ZNF618: variants seen among roughly 807,000 people sequenced by gnomAD.
ZNF618 encodes the protein neural precursor cell expressed, developmentally down-regulated 10.
Under a neutral mutation model 103.0 loss-of-function variants are expected in ZNF618, and 34 were observed. That is an observed-to-expected ratio of 0.33 (90% CI 0.25 to 0.44). The LOEUF is 0.44. Ranked by LOEUF, ZNF618 falls within the 20% of genes least tolerant of loss-of-function variation. The pLI is 1.00. For missense variants in ZNF618, 1,059 were observed against 1,295.4 expected (o/e 0.82, Z 2.80); for synonymous variants, 551 against 542.2 (o/e 1.02, Z -0.23).
intron 11 of ZNF618, among the ~76,000 whole-genome samples, chr9:114,031,823 G>C (rs528134852): frequency 6.6e-6 from 1 of 151,642 alleles, no homozygotes. Flanking sequence ...CTCTGGGATC[G>C]TCCGGCATCC....
At chr9:113,963,104 A>G (rs1386695105) in intron 1 of ZNF618, among the ~76,000 whole-genome samples, 1 of 152,166 alleles carries the variant, frequency 6.6e-6, no homozygotes, top group Non-Finnish European at 1.5e-5. Context: ...TATATAAATA[A>G]AGCTTGAGTT....
intron 13 of ZNF618, among the ~76,000 whole-genome samples, chr9:114,037,473 C>A (rs1355885745): frequency 6.6e-6 from 1 of 152,174 alleles, no homozygotes; most frequent in Non-Finnish European, 1.5e-5. Context: ...GGACAGTTGG[C>A]CACTCTGCAA....
At chr9:113,970,134 A>G (rs1002603551) in intron 2 of ZNF618, among the ~76,000 whole-genome samples, 1 of 152,202 alleles carries the variant, frequency 6.6e-6, no homozygotes, top group Non-Finnish European at 1.5e-5. Context: ...GACTTTCCAG[A>G]TCTTTTAATA....
chr9:114,032,899 G>T (rs542026988), intron 12 of ZNF618, among the ~76,000 whole-genome samples, 171 bp downstream of exon 12: 3 of 152,110 alleles, frequency 2.0e-5, no homozygotes, highest in Admixed American at 6.5e-5. Flanking sequence ...GGCAGGAGGG[G>T]CCTTTTCTTC....
chr9:114,002,640 A>T lies in ZNF618; in HGVS notation c.528A>T (p.Ser176=), dbSNP rs775433665. The T allele has an allele frequency of 6.2e-6, 10 of 1,611,134 alleles. No homozygotes were observed. Among genetic ancestry groups the T allele is most frequent in the Non-Finnish European group, 8.5e-6 (10 of 1,179,684 alleles). Residue 176 remains serine, a synonymous_variant, in exon 6 of 15, where the codon TCA becomes TCT. Coordinates refer to ENST00000374126, the MANE Select transcript of ZNF618 (RefSeq NM_001318042.2). ...VRAHRDTEAT[S]GEGASQSNNF... The stretch of plus-strand genomic sequence containing the variant: ...TCTTTGCAGACACCGAAGCCACCTC[A>T]GGGGAGGGAGCCTCCCAAAGCAGTG...
At chr9:113,892,798 A>G (rs917139032) in intron 1 of ZNF618, among the ~76,000 whole-genome samples, 3 of 152,080 alleles carry the variant, frequency 2.0e-5, no homozygotes, top group East Asian at 1.9e-4. Context: ...ATCAGGCTCT[A>G]TTTTTTCCCA....
At position 114,007,390 on chromosome 9, in the gene ZNF618, C is replaced by T. The variant is rs1841845476; in HGVS notation, c.591C>T (p.Tyr197=). The T allele has an allele frequency of 1.9e-6, 3 of 1,613,692 alleles. No individual in the cohort carries two copies. Among genetic ancestry groups the T allele is most frequent in the Non-Finnish European group, 2.5e-6 (3 of 1,179,858 alleles). The stretch of plus-strand genomic sequence containing the variant: ...CATGTGATATCTGCGGGAAGAAGTA[C>T]AAATACTACAGCTGTTTCCAAGAGC... The part of the protein sequence containing the change: ...RYTCDICGKK[Y]KYYSCFQEHR... The change falls in exon 7 of 15, where the codon TAC becomes TAT. Residue 197 remains tyrosine, a synonymous_variant. Transcript: ENST00000374126.
At chr9:113,995,302 TC>T (rs1474813693) in intron 3 of ZNF618, among the ~76,000 whole-genome samples, 177 of 150,606 alleles carry the variant, frequency 1.2e-3, no homozygotes, top group African/African-American at 3.3e-3. Flanking sequence ...ATTTTTTTTT[TC>T]CAGATTGAGT....
chr9:113,887,057 A>G (rs182278811), intron 1 of ZNF618, among the ~76,000 whole-genome samples: 17 of 127,102 alleles, frequency 1.3e-4, no homozygotes, highest in Admixed American at 1.9e-4. Context: ...TTATATTTCT[A>G]TTGGACAGTG....
rs958575241 is a variant in ZNF618, at chr9:113,953,606, C to T, written c.34-15511C>T. Among the ~76,000 whole-genome samples the T allele has an allele frequency of 3.9e-5, 6 of 152,256 alleles. No homozygotes were observed. In the South Asian group the frequency reaches 1.0e-3, roughly 26 times the overall value. ...AACCTCTGCTTCTTCCTCTCTGTAA[C>T]GGAAATCATGACTCCTACCTTGTGA... On this transcript the variant is annotated intron_variant, in intron 1 of 14. Coordinates refer to ENST00000374126, the MANE Select transcript of ZNF618 (RefSeq NM_001318042.2).
At chr9:113,940,344 A>G (rs1337815892) in intron 1 of ZNF618, among the ~76,000 whole-genome samples, 2 of 152,152 alleles carry the variant, frequency 1.3e-5, no homozygotes, top group Admixed American at 6.5e-5. Flanking sequence ...TTATAAGTAC[A>G]TATAAAAATA....
At chr9:113,959,226 G>A (rs955314486) in intron 1 of ZNF618, among the ~76,000 whole-genome samples, 11 of 152,104 alleles carry the variant, frequency 7.2e-5, no homozygotes, top group Non-Finnish European at 1.5e-4. Context: ...GGTGGAGGTT[G>A]CGGTGAGCCG....
intron 1 of ZNF618, among the ~76,000 whole-genome samples, chr9:113,936,586 A>G (rs1304905252): frequency 2.0e-5 from 3 of 152,224 alleles, no homozygotes; most frequent in Non-Finnish European, 2.9e-5. Context: ...TGGGCCTGTG[A>G]CCAAAGGTCC....
chr9:113,913,531 G>T (rs2131495962), intron 1 of ZNF618, among the ~76,000 whole-genome samples: 1 of 152,378 alleles, frequency 6.6e-6, no homozygotes, highest in African/African-American at 2.4e-5. Context: ...GCAGTTGCTG[G>T]CTGACCACTA....
chr9:113,926,886 G>GC (rs1554726435), intron 1 of ZNF618, among the ~76,000 whole-genome samples: 1 of 152,172 alleles, frequency 6.6e-6, no homozygotes, highest in Non-Finnish European at 1.5e-5. Context: ...GGTGGCATGT[G>GC]CCTATAGTCT....
At chr9:113,895,327 A>T (rs1470109910) in intron 1 of ZNF618, among the ~76,000 whole-genome samples, 1 of 152,116 alleles carries the variant, frequency 6.6e-6, no homozygotes, top group Non-Finnish European at 1.5e-5. Context: ...CCAGATGGCC[A>T]TATGGTTTTT....
intron 1 of ZNF618, among the ~76,000 whole-genome samples, chr9:113,956,209 CAAAAAAAAAAAAAAAA>C (rs10537910): frequency 4.5e-5 from 2 of 44,532 alleles, no homozygotes; most frequent in Non-Finnish European, 7.4e-5. Context: ...AACTCTGTCT[CAAAAAAAAAAAAAAAA>C]AAAAAAAAAA....
chr9:113,927,366 T>C (rs1833196683), intron 1 of ZNF618, among the ~76,000 whole-genome samples: 30 of 152,234 alleles, frequency 2.0e-4, no homozygotes, highest in Admixed American at 2.0e-3. Context: ...TCTCACCTGT[T>C]GTCTTTGGGT....
At chr9:113,945,220 T>G (rs989394342) in intron 1 of ZNF618, among the ~76,000 whole-genome samples, 4 of 152,032 alleles carry the variant, frequency 2.6e-5, no homozygotes, top group Non-Finnish European at 4.4e-5. Context: ...CCCCCTTCCC[T>G]CATCTCTCTT....
Sources: gnomAD v4.1 joint callset for allele counts (sites outside exome capture counted in the v4.1 genomes callset) on GRCh38, gnomAD v4.1.1 for gene constraint, MANE v1.5 for transcripts, NCBI Gene and HGNC (gene_info 2026-07-23, HGNC 2026-07-21) for gene names.